NUDC: variants seen among roughly 807,000 people sequenced by gnomAD.
The protein encoded by NUDC is nuclear distribution C, dynein complex regulator.
In NUDC, 14 loss-of-function variants were observed where a neutral mutation model predicts 45.0. The observed-to-expected ratio is 0.31, with a 90% CI of 0.21 to 0.49. NUDC has a LOEUF of 0.49. Among genes scored for constraint, NUDC ranks in the 20% least tolerant of loss-of-function variants. The probability of loss-of-function intolerance (pLI) is 0.99; values close to 1 mark genes in which losing one functional copy is unlikely to be tolerated. For synonymous variants in NUDC, 153 were observed against 156.7 expected (o/e 0.98, Z 0.17); for missense variants, 323 against 426.2 (o/e 0.76, Z 2.13).
chr1:26,928,221 T>G (rs1317399980), intron 2 of NUDC, among the ~76,000 whole-genome samples: 2 of 152,124 alleles, frequency 1.3e-5, no homozygotes, highest in Non-Finnish European at 2.9e-5. Context: ...CAAAGCATGA[T>G]TTAATAAGTC....
At chr1:26,921,202 T>A (rs2082088656), upstream of NUDC, among the ~76,000 whole-genome samples, 1 of 152,150 alleles carries the variant, frequency 6.6e-6, no homozygotes, top group African/African-American at 2.4e-5. Flanking sequence ...GGTCTCCTTA[T>A]TCCAAAATTA....
Position 26,942,660 on chromosome 1 carries a change from G to T in NUDC, c.430G>T (p.Asp144Tyr). The T allele has an allele frequency of 6.2e-7, 1 of 1,614,120 alleles. No individual in the cohort carries two copies. The highest frequency in any genetic ancestry group is 1.1e-5 in the South Asian group (1 of 91,056). Residue 144 changes from aspartate (D) to tyrosine (Y), a missense_variant and splice_region_variant, in exon 5 of 9, where the codon GAT (aspartate) becomes TAT (tyrosine). Transcript: ENST00000321265. ...NGSLDSPGKQ[D>Y]TEEDEEEDEK... ...GCTGAGTGTCCCTGATTGTAAGCAGGATACTGAGGAAGATGAGGAGGAAGA... is the reference window on the plus strand; with the variant it reads ...GCTGAGTGTCCCTGATTGTAAGCAGTATACTGAGGAAGATGAGGAGGAAGA...
At chr1:26,901,267 T>G (rs1381531488) in intron 1 of NUDC, among the ~76,000 whole-genome samples, 7 of 151,988 alleles carry the variant, frequency 4.6e-5, no homozygotes, top group Non-Finnish European at 1.5e-5. Flanking sequence ...TTTTTTAAAC[T>G]ATTTGTAGAG....
Position 26,941,582 on chromosome 1 carries a change from C to T in NUDC, c.285C>T (p.Ala95=). Residue 95 remains alanine, a synonymous_variant, in exon 3 of 9, where the codon GCC becomes GCT. Coordinates refer to ENST00000321265, the MANE Select transcript of NUDC (RefSeq NM_006600.4). ...AERAARLAKE[A]KSETSGPQIK... is the part of the protein sequence containing the mutation. ...GGGCGGCCAGACTGGCCAAGGAAGC[C>T]AAGTCAGAGACCTCAGGGCCCCAGA... 3.1e-6 allele frequency: 5 copies of T among 1,612,212 alleles called. No individual in the cohort carries two copies. In the East Asian group the frequency reaches 1.1e-4, roughly 36 times the overall value.
chr1:26,930,200 T>A (rs940105186), intron 2 of NUDC, among the ~76,000 whole-genome samples: 2 of 152,192 alleles, frequency 1.3e-5, no homozygotes, highest in South Asian at 4.1e-4. Flanking sequence ...AGGGTCTCGC[T>A]CTGCTGCCCA....
chr1:26,908,915 C>T (rs959543724), intron 2 of NUDC, among the ~76,000 whole-genome samples: 26 of 151,720 alleles, frequency 1.7e-4, no homozygotes, highest in Admixed American at 1.4e-3. Context: ...TTAGTAGAGA[C>T]GGTGTTTCAC....
At chr1:26,929,249 T>A (rs140725865) in intron 2 of NUDC, among the ~76,000 whole-genome samples, 119 of 137,118 alleles carry the variant, frequency 8.7e-4, no homozygotes, top group Middle Eastern at 3.7e-3. Flanking sequence ...GGAAAAAAAA[T>A]TTTTTTTAAA....
At chr1:26,940,044 G>C (rs1402901440) in intron 2 of NUDC, among the ~76,000 whole-genome samples, 1 of 152,188 alleles carries the variant, frequency 6.6e-6, no homozygotes, top group Non-Finnish European at 1.5e-5. Context: ...GCACATCCTG[G>C]AGTGGAAACC....
chr1:26,923,286 A>AT (rs2124094765), intron 1 of NUDC, among the ~76,000 whole-genome samples: 1 of 152,270 alleles, frequency 6.6e-6, no homozygotes, highest in African/African-American at 2.4e-5. Flanking sequence ...GTCCCTAGAA[A>AT]TAGGTACTGC....
At chr1:26,904,504 C>T (rs2081994243) in intron 2 of NUDC, among the ~76,000 whole-genome samples, 1 of 152,146 alleles carries the variant, frequency 6.6e-6, no homozygotes, top group African/African-American at 2.4e-5. Flanking sequence ...TAGCTCACTG[C>T]AGCCTTGAAC....
chr1:26,900,269 C>G, exon 1 of NUDC: 1 of 1,613,948 alleles, frequency 6.2e-7, no homozygotes, highest in Non-Finnish European at 8.5e-7. Flanking sequence ...GAGCGGCCTG[C>G]GGAGGGGCCC....
At chr1:26,940,490 A>T (rs181443185) in intron 2 of NUDC, among the ~76,000 whole-genome samples, 1,447 of 133,552 alleles carry the variant, frequency 0.011, 10 homozygotes, top group Middle Eastern at 0.028. Flanking sequence ...AAAAAAAATT[A>T]AAAAAAAAAG....
At chr1:26,945,315 T>C (rs1041828581) in intron 6 of NUDC, 75 bp from the exon 7 acceptor site, 1 of 1,224,970 alleles carries the variant, frequency 8.2e-7, no homozygotes, top group African/African-American at 1.5e-5. Flanking sequence ...GAGAGTTTGG[T>C]TGTGAAAGGG....
chr1:26,929,296 G>A (rs150097117), intron 2 of NUDC, among the ~76,000 whole-genome samples: 8 of 151,926 alleles, frequency 5.3e-5, no homozygotes, highest in South Asian at 2.1e-4. Context: ...AATTAAGCCC[G>A]ACGTGGTGAC....
At chr1:26,907,997 C>T (rs1187950) in intron 2 of NUDC, among the ~76,000 whole-genome samples, 3,720 of 152,166 alleles carry the variant, frequency 0.024, 88 homozygotes, top group Middle Eastern at 0.061. Flanking sequence ...TGGCCAACAT[C>T]GTGAAACTCT....
chr1:26,934,110 G>A (rs1321703530), intron 2 of NUDC, among the ~76,000 whole-genome samples: 1 of 152,188 alleles, frequency 6.6e-6, no homozygotes, highest in Non-Finnish European at 1.5e-5. Flanking sequence ...TCGAGATTGT[G>A]CTATGGCACT....
chr1:26,921,522 G>T (rs1000522273), upstream of NUDC, among the ~76,000 whole-genome samples: 1 of 152,194 alleles, frequency 6.6e-6, no homozygotes, highest in African/African-American at 2.4e-5. Flanking sequence ...AAGTCTCCAC[G>T]GCATCGGGTG....
At chr1:26,929,393 C>T (rs1406548951) in intron 2 of NUDC, among the ~76,000 whole-genome samples, 1 of 146,764 alleles carries the variant, frequency 6.8e-6, no homozygotes, top group Admixed American at 6.8e-5. Context: ...GGCAACATAG[C>T]AAGACCCCTT....
chr1:26,936,683 C>T (rs957290698), intron 2 of NUDC, among the ~76,000 whole-genome samples: 4 of 152,068 alleles, frequency 2.6e-5, no homozygotes, highest in African/African-American at 9.7e-5. Flanking sequence ...ACACAAGAGA[C>T]CTCTTTTTTC....
Sources: gnomAD v4.1 joint callset for allele counts (sites outside exome capture counted in the v4.1 genomes callset) on GRCh38, gnomAD v4.1.1 for gene constraint, MANE v1.5 for transcripts, NCBI Gene and HGNC (gene_info 2026-07-23, HGNC 2026-07-21) for gene names.